The following MCTP1 variants were observed in gnomAD, a reference collection of about 807,000 sequenced individuals.
MCTP1 encodes the protein multiple C2 and transmembrane domain-containing protein 1.
Under a neutral mutation model 120.6 loss-of-function variants are expected in MCTP1, and 69 were observed. That is an observed-to-expected ratio of 0.57 (90% CI 0.47 to 0.70). The LOEUF (loss-of-function observed/expected upper bound fraction) is 0.70. Ranked by LOEUF, MCTP1 falls within the 30% of genes least tolerant of loss-of-function variation. The pLI is 0.00. For missense variants in MCTP1, 1,203 were observed against 1,248.8 expected (o/e 0.96, Z 0.55); for synonymous variants, 529 against 493.1 (o/e 1.07, Z -0.96).
intron 1 of MCTP1, among the ~76,000 whole-genome samples, chr5:95,057,103 G>A (rs1747595240): frequency 6.6e-6 from 1 of 151,838 alleles, no homozygotes; most frequent in East Asian, 1.9e-4. Context: ...ATTTTCAGGG[G>A]AAAAATAAGA....
intron 9 of MCTP1, among the ~76,000 whole-genome samples, chr5:94,912,469 C>T (rs933284509): frequency 2.7e-5 from 3 of 112,788 alleles, no homozygotes; most frequent in Non-Finnish European, 3.7e-5. Flanking sequence ...AAAAAAAAGC[C>T]GCACTCTGAG....
Position 94,823,751 on chromosome 5 carries a change from G to T in MCTP1, c.2437-24619C>A, listed in dbSNP as rs181452338. Reference sequence around the variant, plus strand: ...GTGGTTTGTAGTTCTCCTTGGGGAGGTCCTTCACATCCCTTGTAAGCTGTA... The same window carrying T: ...GTGGTTTGTAGTTCTCCTTGGGGAGTTCCTTCACATCCCTTGTAAGCTGTA... On this transcript the variant is annotated intron_variant, in intron 17 of 22. Transcript: ENST00000515393. Among the ~76,000 whole-genome samples the T allele has an allele frequency of 4.4e-3, 665 of 152,214 alleles. 6 individuals carry two copies. The highest frequency in any genetic ancestry group is 6.7e-3 in the Non-Finnish European group (457 of 68,006).
At chr5:95,275,725 C>A (rs1314795355) in intron 1 of MCTP1, among the ~76,000 whole-genome samples, 1 of 152,074 alleles carries the variant, frequency 6.6e-6, no homozygotes, top group East Asian at 1.9e-4. Flanking sequence ...ACACTTATAG[C>A]CCATCTCAAT....
chr5:95,246,082 T>A (rs186712021), intron 1 of MCTP1, among the ~76,000 whole-genome samples: 1 of 152,208 alleles, frequency 6.6e-6, no homozygotes, highest in East Asian at 1.9e-4. Context: ...CAAACTAAGC[T>A]TCCTAAGTGA....
intron 17 of MCTP1, among the ~76,000 whole-genome samples, chr5:94,844,174 A>T (rs1052122392): frequency 6.6e-6 from 1 of 151,792 alleles, no homozygotes; most frequent in African/African-American, 2.4e-5. Context: ...GTAGTGGCGG[A>T]TGCCTGTAAT....
intron 2 of MCTP1, among the ~76,000 whole-genome samples, chr5:94,986,001 T>A (rs1408660980): frequency 6.6e-6 from 1 of 152,178 alleles, no homozygotes; most frequent in Non-Finnish European, 1.5e-5. Context: ...TCCATTATAG[T>A]TGTTTGTGAT....
At chr5:94,974,667 T>A (rs1289886118) in intron 2 of MCTP1, among the ~76,000 whole-genome samples, 6 of 151,998 alleles carry the variant, frequency 3.9e-5, no homozygotes, top group Middle Eastern at 3.4e-3. Flanking sequence ...ATTATATAAA[T>A]AAACCTAAGT....
At chr5:94,972,941 A>T (rs369864643) in intron 2 of MCTP1, among the ~76,000 whole-genome samples, 1 of 152,140 alleles carries the variant, frequency 6.6e-6, no homozygotes, top group Non-Finnish European at 1.5e-5. Context: ...TGAACAAAAA[A>T]AAAACCACTG....
At chr5:94,916,722 A>T (rs577345156) in intron 8 of MCTP1, among the ~76,000 whole-genome samples, 1 of 152,336 alleles carries the variant, frequency 6.6e-6, no homozygotes, top group African/African-American at 2.4e-5. Context: ...TGTGGTCCAC[A>T]GACCAGTGGC....
At chr5:95,081,403 G>C in intron 1 of MCTP1, 1 of 1,605,458 alleles carries the variant, frequency 6.2e-7, no homozygotes, top group Non-Finnish European at 8.5e-7. Context: ...ACAATCCAGT[G>C]AGTAAACCAA....
intron 2 of MCTP1, among the ~76,000 whole-genome samples, chr5:95,007,789 T>C (rs1045020486): frequency 2.6e-5 from 4 of 152,226 alleles, no homozygotes; most frequent in African/African-American, 9.6e-5. Flanking sequence ...CCCAGGCTTT[T>C]ACATTCTTAT....
At chr5:95,221,431 G>A (rs1046093332) in intron 1 of MCTP1, among the ~76,000 whole-genome samples, 7 of 152,158 alleles carry the variant, frequency 4.6e-5, no homozygotes, top group African/African-American at 9.7e-5. Context: ...ACAGAAAGAA[G>A]GCATCTTATA....
intron 6 of MCTP1, among the ~76,000 whole-genome samples, chr5:94,924,642 T>A (rs558559838): frequency 2.0e-5 from 3 of 152,200 alleles, no homozygotes; most frequent in African/African-American, 4.8e-5. Flanking sequence ...ATCCTCAGAC[T>A]TTTATAAAGG....
chr5:95,030,964 A>T (rs1840169390), intron 1 of MCTP1, among the ~76,000 whole-genome samples: 1 of 152,164 alleles, frequency 6.6e-6, no homozygotes, highest in Non-Finnish European at 1.5e-5. Flanking sequence ...ACATTAAAAA[A>T]AAAATAGAAC....
chr5:94,723,062 A>G (rs1761272784), intron 19 of MCTP1, among the ~76,000 whole-genome samples: 1 of 152,194 alleles, frequency 6.6e-6, no homozygotes, highest in African/African-American at 2.4e-5. Context: ...CTTCTTTTTC[A>G]GATATAAAAA....
intron 2 of MCTP1, among the ~76,000 whole-genome samples, chr5:94,962,527 A>C (rs1368036253): frequency 2.0e-5 from 3 of 151,590 alleles, no homozygotes; most frequent in Admixed American, 6.6e-5. Context: ...CATGTGATGG[A>C]ATAGTACTCA....
In MCTP1 at chr5:94,868,369, A is replaced by G; in HGVS notation, c.2400T>C (p.Asp800=). 1.2e-6 allele frequency: 2 copies of G among 1,608,038 alleles called. No individual in the cohort carries two copies. Among genetic ancestry groups the G allele is most frequent in the Non-Finnish European group, 1.7e-6 (2 of 1,177,122 alleles). Reference sequence around the variant, plus strand: ...CGAGACTCCTTGGGGGTGAATCCCAATCAAAGCAACTATTAACGTAGTATG... The same window carrying G: ...CGAGACTCCTTGGGGGTGAATCCCAGTCAAAGCAACTATTAACGTAGTATG... ...NAAYYVNSCF[D]WDSPPRSLAA... The change falls in exon 17 of 23, where the codon GAT becomes GAC. Residue 800 remains aspartate (D), a synonymous_variant. Coordinates refer to ENST00000515393, the MANE Select transcript of MCTP1 (RefSeq NM_024717.7).
At chr5:95,144,402 T>C (rs1760197923) in intron 1 of MCTP1, among the ~76,000 whole-genome samples, 1 of 152,212 alleles carries the variant, frequency 6.6e-6, no homozygotes, top group Non-Finnish European at 1.5e-5. Flanking sequence ...AAATGCTGTT[T>C]AGTTTGTTTA....
intron 19 of MCTP1, among the ~76,000 whole-genome samples, chr5:94,751,126 T>C (rs149844374): frequency 2.6e-5 from 4 of 152,088 alleles, no homozygotes; most frequent in African/African-American, 7.2e-5. Flanking sequence ...CGGGCTGAAG[T>C]AATCACTCAG....
Sources: gnomAD v4.1 joint callset for allele counts (sites outside exome capture counted in the v4.1 genomes callset) on GRCh38, gnomAD v4.1.1 for gene constraint, MANE v1.5 for transcripts, NCBI Gene and HGNC (gene_info 2026-07-23, HGNC 2026-07-21) for gene names.